FBXO31: variants seen among roughly 807,000 people sequenced by gnomAD.
FBXO31 encodes the protein F-box protein 31, also known as F-box only protein 31.
In FBXO31, 24 loss-of-function variants were observed where a neutral mutation model predicts 54.4. The ratio of observed to expected loss-of-function variants is 0.44; its 90% CI spans 0.32 to 0.62. FBXO31 has a LOEUF of 0.62. Among genes scored for constraint, FBXO31 ranks in the 20% least tolerant of loss-of-function variants. The pLI, the probability that FBXO31 is intolerant of heterozygous loss-of-function variation, is 0.05. For synonymous variants in FBXO31, 388 were observed against 335.6 expected (o/e 1.16, Z -1.71); for missense variants, 665 against 787.1 (o/e 0.84, Z 1.86).
chr16:87,342,759 A>T, intron 5 of FBXO31, 118 bp downstream of exon 5: 2 of 802,628 alleles, frequency 2.5e-6, no homozygotes, highest in Non-Finnish European at 3.9e-6. Context: ...GAACCATGTG[A>T]AACAGCCACC....
At chr16:87,369,769 A>G (rs1409406784) in intron 1 of FBXO31, among the ~76,000 whole-genome samples, 2 of 152,120 alleles carry the variant, frequency 1.3e-5, no homozygotes, top group Non-Finnish European at 2.9e-5. Context: ...CAGCGTGACT[A>G]TTTTTCATAA....
At chr16:87,384,565 C>G (rs760121357), upstream of FBXO31, among the ~76,000 whole-genome samples, 4 of 152,210 alleles carry the variant, frequency 2.6e-5, no homozygotes, top group Non-Finnish European at 4.4e-5. Flanking sequence ...TGAGCGGGGT[C>G]GTCTCCCAGG....
chr16:87,383,849 T>A, upstream of FBXO31: 1 of 824,308 alleles, frequency 1.2e-6, no homozygotes, highest in Non-Finnish European at 1.5e-6. This position sits in a 1 kb window ranked among gnomAD's most constrained non-coding sequence, Gnocchi z 4.9. Context: ...CCACGCCCCC[T>A]GGAGAGCCTA....
Position 87,346,148 on chromosome 16 carries a change from G to T in FBXO31, c.489+1026C>A, listed in dbSNP as rs1905376791. Among the ~76,000 whole-genome samples the T allele has an allele frequency of 6.6e-6, 1 of 152,206 alleles. No individual in the cohort carries two copies. ...GGCCCTACAGAGGGTTGTGTCCTGGGAAGGAGAGAGACCCGGAATGAGAAC... is the reference window on the plus strand; with the variant it reads ...GGCCCTACAGAGGGTTGTGTCCTGGTAAGGAGAGAGACCCGGAATGAGAAC... On this transcript the variant is annotated intron_variant, in intron 3 of 8. Transcript: ENST00000311635. This position sits in a 1 kb window ranked among gnomAD's most constrained non-coding sequence, Gnocchi z 4.2.
chr16:87,332,648 G>A (rs1597356460), intron 8 of FBXO31, among the ~76,000 whole-genome samples: 1 of 150,566 alleles, frequency 6.6e-6, no homozygotes, highest in Admixed American at 6.6e-5. Context: ...CCGGGAGCTG[G>A]AACTGTGGCA....
upstream of FBXO31, chr16:87,384,278 T>C (rs920954447): frequency 6.6e-6 from 1 of 151,836 alleles, no homozygotes; most frequent in Non-Finnish European, 1.5e-5. Flanking sequence ...AGCCCTTTTG[T>C]CCATTGAAAC....
intron 1 of FBXO31, among the ~76,000 whole-genome samples, chr16:87,380,575 G>C (rs960266813): frequency 6.6e-6 from 1 of 152,134 alleles, no homozygotes; most frequent in Admixed American, 6.5e-5. Context: ...TTTTTGTAGA[G>C]ATGGGTTTTA....
chr16:87,375,881 T>C (rs114578325), intron 1 of FBXO31, among the ~76,000 whole-genome samples: 288 of 152,176 alleles, frequency 1.9e-3, no homozygotes, highest in African/African-American at 6.7e-3. Context: ...AGAAAAGATT[T>C]AACCCACCAG....
At position 87,331,474 on chromosome 16, in the gene FBXO31, G is replaced by A; in HGVS notation, c.1434C>T (p.Phe478=). The A allele has an allele frequency of 6.2e-7, 1 of 1,611,980 alleles. No individual in the cohort carries two copies. Among genetic ancestry groups the A allele is most frequent in the South Asian group, 1.1e-5 (1 of 90,982 alleles). The change falls in exon 9 of 9, where the codon TTC becomes TTT. Residue 478 remains phenylalanine (F), a synonymous_variant. Coordinates refer to ENST00000311635, the MANE Select transcript of FBXO31 (RefSeq NM_024735.5). ...CCCCGGGGGTGCGTTCAGGGCTGGT[G>A]AAGCCGTGGCCCGCGATGAGGCCTG... The part of the protein sequence containing the change: ...YGTGLIAGHG[F]TSPERTPGVF...
At position 87,331,246 on chromosome 16, in the gene FBXO31, G is replaced by A. The variant is rs757450936; in HGVS notation, c.*42C>T. The A allele has an allele frequency of 8.2e-6, 13 of 1,589,592 alleles. 1 individual carries two copies. The highest frequency in any genetic ancestry group is 8.6e-6 in the Non-Finnish European group (10 of 1,159,436). ...TTCTATTCACAGGTCAGAGTTCAGA[G>A]CCCCAGAGCCACCCGGGATGTGGCG... On this transcript the variant is annotated 3_prime_UTR_variant, in exon 9 of 9. Coordinates refer to ENST00000311635, the MANE Select transcript of FBXO31 (RefSeq NM_024735.5).
Position 87,335,461 on chromosome 16 carries a change from T to A in FBXO31, c.843-4A>T. ...GCGGCGGTAGGTCAGGCAGTTGCTG[T>A]GGGGAGCGGACGGGTCAGTACAGGA... is the stretch of plus-strand genomic sequence containing the variant. On this transcript the variant is annotated splice_region_variant and splice_polypyrimidine_tract_variant and intron_variant, in intron 6 of 8. Transcript: ENST00000311635. The surrounding 1 kb of genome is among the most constrained non-coding windows in gnomAD (Gnocchi z 5.7). 1 of 1,553,910 alleles carries A rather than the reference T, an allele frequency of 6.4e-7. No homozygotes were observed.
In FBXO31 at chr16:87,331,205, C is replaced by T; in HGVS notation, c.*83G>A. 1 of 1,427,616 alleles carries T rather than the reference C, an allele frequency of 7.0e-7. No homozygotes were observed. Among genetic ancestry groups the T allele is most frequent in the Non-Finnish European group, 9.7e-7 (1 of 1,029,646 alleles). 88.4% of individuals were successfully genotyped at this position (1,427,616 alleles called of 1,614,324 possible). On this transcript the variant is annotated 3_prime_UTR_variant, in exon 9 of 9. Coordinates refer to ENST00000311635, the MANE Select transcript of FBXO31 (RefSeq NM_024735.5). ...GCGTTCTGGTCAAAAGGCCGGATTT[C>T]CAAAGTGCATGCTGCTTCTATTCAC...
rs1904787761 is a variant in FBXO31 at position 87,329,891 on chromosome 16, G to A, written c.*1397C>T. The A allele has an allele frequency of 6.6e-6, 1 of 152,268 alleles. No homozygotes were observed. The highest frequency in any genetic ancestry group is 2.4e-5 in the African/African-American group (1 of 41,464). The allele number at this position is 152,268 out of a possible 1,614,324, so 9.4% of individuals were successfully genotyped here. ...CTTATGTTCTTTAAAGGCCAGTCAAGGAGAAATTCATCAGGAAAACATTTC... is the reference window on the plus strand; with the variant it reads ...CTTATGTTCTTTAAAGGCCAGTCAAAGAGAAATTCATCAGGAAAACATTTC... On this transcript the variant is annotated 3_prime_UTR_variant, in exon 9 of 9. Transcript: ENST00000311635.
At chr16:87,365,035 A>ATC (rs1906303843) in intron 1 of FBXO31, among the ~76,000 whole-genome samples, 6 of 104,198 alleles carry the variant, frequency 5.8e-5, no homozygotes, top group African/African-American at 2.1e-4. Context: ...ATATATATAT[A>ATC]TATATCAGGC....
chr16:87,343,031 C>CACGACCCCA, intron 4 of FBXO31, 80 bp from the exon 5 acceptor site: 1 of 1,243,088 alleles, frequency 8.0e-7, no homozygotes, highest in South Asian at 1.4e-5. Context: ...GGCAGGTGGC[C>CACGACCCCA]ACGACCCCTC....
chr16:87,357,602 A>T (rs564765428), intron 2 of FBXO31, among the ~76,000 whole-genome samples: 14 of 152,180 alleles, frequency 9.2e-5, no homozygotes, highest in Non-Finnish European at 2.1e-4. Flanking sequence ...CACTGGGATT[A>T]CAGGCATTAG....
chr16:87,374,618 G>A (rs988610369), intron 1 of FBXO31, among the ~76,000 whole-genome samples: 5 of 152,152 alleles, frequency 3.3e-5, no homozygotes, highest in African/African-American at 1.2e-4. Flanking sequence ...AGACAAAAAT[G>A]TTGTACAAAT....
chr16:87,383,474 C>A lies in FBXO31; in HGVS notation c.271G>T (p.Ala91Ser). 1 of 1,592,954 alleles carries A rather than the reference C, an allele frequency of 6.3e-7. No homozygotes were observed. Among genetic ancestry groups the A allele is most frequent in the Non-Finnish European group, 8.5e-7 (1 of 1,172,858 alleles). Residue 91 changes from alanine (A) to serine (S), a missense_variant, in exon 1 of 9, where the codon GCC becomes TCC. By Grantham distance (99) the Ala-to-Ser change is moderately conservative. Around this residue, in one of 4 missense-constraint regions of FBXO31, gnomAD observed 195 missense variants for 174.8 expected, o/e 1.12. Coordinates refer to ENST00000311635, the MANE Select transcript of FBXO31 (RefSeq NM_024735.5). This position sits in a 1 kb window ranked among gnomAD's most constrained non-coding sequence, Gnocchi z 4.9. ...CGCCGGAACTTCGTGCAGACCTGGG[C>A]CAAGCTGGGTAGGTCCGTGCCCGGC... is the stretch of plus-strand genomic sequence containing the variant. ...SLPGTDLPSL[A>S]QVCTKFRRIL...
rs1003467517 is a variant in FBXO31, at chr16:87,345,816, C to T, written c.489+1358G>A. ...CCTTCCTGAGGCCACTGACCACTGGCTGGGGAGGAAGGCCCATGTCTGGCA... is the reference window on the plus strand; with the variant it reads ...CCTTCCTGAGGCCACTGACCACTGGTTGGGGAGGAAGGCCCATGTCTGGCA... On this transcript the variant is annotated intron_variant, in intron 3 of 8. Coordinates refer to ENST00000311635, the MANE Select transcript of FBXO31 (RefSeq NM_024735.5). This position sits in a 1 kb window ranked among gnomAD's most constrained non-coding sequence, Gnocchi z 4.9. Among the ~76,000 whole-genome samples the T allele has an allele frequency of 2.6e-5, 4 of 152,226 alleles. No individual in the cohort carries two copies. Among genetic ancestry groups the T allele is most frequent in the African/African-American group, 9.6e-5 (4 of 41,466 alleles).
Sources: gnomAD v4.1 joint callset for allele counts (sites outside exome capture counted in the v4.1 genomes callset) on GRCh38, gnomAD v4.1.1 for gene constraint, gnomAD v4.1.1 regional missense constraint, Gnocchi (gnomAD v3.1) non-coding constraint, MANE v1.5 for transcripts, NCBI Gene and HGNC (gene_info 2026-07-23, HGNC 2026-07-21) for gene names.